PCDHA3: variants seen among roughly 807,000 people sequenced by gnomAD.
PCDHA3 encodes the protein protocadherin alpha-3.
Under a neutral mutation model 62.2 loss-of-function variants are expected in PCDHA3, and 41 were observed. That is an observed-to-expected ratio of 0.66 (90% CI 0.51 to 0.86). The LOEUF is 0.86. PCDHA3 is among the 40% of genes least tolerant of loss of function. The pLI is 0.00. For missense variants in PCDHA3, 1,304 were observed against 1,241.2 expected, an observed-to-expected ratio of 1.05 and a Z score of -0.76; for synonymous variants, 640 against 555.4, an observed-to-expected ratio of 1.15 and a Z score of -2.14.
chr5:140,829,866 C>T (rs180987045), intron 1 of PCDHA3: 8 of 1,613,772 alleles, frequency 5.0e-6, no homozygotes, highest in African/African-American at 2.7e-5. Flanking sequence ...CAAGTGGTGG[C>T]GAAGGTGCGC....
At chr5:140,972,170 C>G (rs1001419960) in intron 1 of PCDHA3, among the ~76,000 whole-genome samples, 2 of 152,034 alleles carry the variant, frequency 1.3e-5, no homozygotes, top group African/African-American at 4.8e-5. Flanking sequence ...GAGACAGAGT[C>G]TTGGCCTGTC....
chr5:140,874,556 C>CAAAA (rs2054997993), intron 1 of PCDHA3, among the ~76,000 whole-genome samples: 1 of 152,178 alleles, frequency 6.6e-6, no homozygotes, highest in African/African-American at 2.4e-5. Flanking sequence ...AGAGATCTTT[C>CAAAA]GCATTTTAGT....
intron 1 of PCDHA3, chr5:140,868,023 T>C (rs2050243779): frequency 6.6e-6 from 1 of 152,096 alleles, no homozygotes; most frequent in Non-Finnish European, 1.5e-5. Flanking sequence ...AGGAAACCAA[T>C]GTTGGTGACT....
chr5:140,952,496 G>A (rs2094755026), intron 1 of PCDHA3, among the ~76,000 whole-genome samples: 1 of 152,112 alleles, frequency 6.6e-6, no homozygotes, highest in Non-Finnish European at 1.5e-5. Flanking sequence ...CCAGTCCTCA[G>A]TAAGTTCCTC....
At position 140,836,922 on chromosome 5, in the gene PCDHA3, A is replaced by T; in HGVS notation, c.2394+33331A>T. On this transcript the variant is annotated intron_variant, in intron 1 of 3. Coordinates refer to ENST00000522353, the MANE Select transcript of PCDHA3 (RefSeq NM_018906.3). ...GTTTAATATACACTTTTGTTTTGGGATGCGTAATACTATAGATCAAAATCT... is the reference window on the plus strand; with the variant it reads ...GTTTAATATACACTTTTGTTTTGGGTTGCGTAATACTATAGATCAAAATCT... The T allele has an allele frequency of 5.6e-6, 3 of 537,660 alleles. No homozygotes were observed. In the South Asian group the frequency reaches 9.2e-5, roughly 16 times the overall value. 33.3% of individuals were successfully genotyped at this position (537,660 alleles called of 1,614,324 possible). A position where few individuals can be genotyped will look rare whatever the true frequency, so the allele number is the denominator to read the frequency against.
intron 1 of PCDHA3, chr5:140,807,173 T>C (rs782419612): frequency 7.5e-6 from 12 of 1,609,318 alleles, no homozygotes; most frequent in Non-Finnish European, 1.0e-5. Context: ...CAGAACAAAA[T>C]ACTGTGCACT....
chr5:140,959,118 C>T (rs781848896), intron 1 of PCDHA3, among the ~76,000 whole-genome samples: 8 of 151,838 alleles, frequency 5.3e-5, no homozygotes, highest in Non-Finnish European at 1.0e-4. Context: ...CGAAGGTGGG[C>T]GAGGTGAGCC....
chr5:141,006,224 T>A (rs1265190589), intron 3 of PCDHA3, among the ~76,000 whole-genome samples: 1 of 152,072 alleles, frequency 6.6e-6, no homozygotes, highest in African/African-American at 2.4e-5. Flanking sequence ...TTAAATTTTT[T>A]ATTTTTAGAT....
At chr5:140,876,539 C>T (rs1030865953) in intron 1 of PCDHA3, 5 of 1,614,170 alleles carry the variant, frequency 3.1e-6, no homozygotes, top group Admixed American at 1.7e-5. Flanking sequence ...ACTTCACTGT[C>T]GCTCCCTGTG....
chr5:140,947,038 A>G (rs2094072618), intron 1 of PCDHA3, among the ~76,000 whole-genome samples: 1 of 151,776 alleles, frequency 6.6e-6, no homozygotes, highest in Admixed American at 6.6e-5. Context: ...TATACTAATT[A>G]CCCTGATTTG....
At chr5:140,885,685 A>G (rs2060694021) in intron 1 of PCDHA3, among the ~76,000 whole-genome samples, 1 of 152,198 alleles carries the variant, frequency 6.6e-6, no homozygotes, top group African/African-American at 2.4e-5. Flanking sequence ...TATCTCAAGA[A>G]GCAATAGTGG....
At chr5:140,874,881 C>T (rs1316593398) in intron 1 of PCDHA3, among the ~76,000 whole-genome samples, 3 of 152,102 alleles carry the variant, frequency 2.0e-5, no homozygotes, top group Non-Finnish European at 2.9e-5. Context: ...AATACAAATT[C>T]CTAACTTTCT....
At chr5:140,835,589 G>T (rs2150238885) in intron 1 of PCDHA3, 2 of 1,613,920 alleles carry the variant, frequency 1.2e-6, no homozygotes, top group South Asian at 1.1e-5. Flanking sequence ...CCACCTTCAA[G>T]AATTACTATT....
intron 1 of PCDHA3, chr5:140,866,298 G>A (rs2049270991): frequency 6.6e-6 from 1 of 152,134 alleles, no homozygotes; most frequent in African/African-American, 2.4e-5. Flanking sequence ...AAGTATAGAT[G>A]TTGATATTAT....
chr5:140,906,965 G>T (rs1273243518), intron 1 of PCDHA3, among the ~76,000 whole-genome samples: 1 of 152,124 alleles, frequency 6.6e-6, no homozygotes, highest in Non-Finnish European at 1.5e-5. Flanking sequence ...ATGGAATCGT[G>T]GTTGTGTCTT....
intron 1 of PCDHA3, chr5:140,882,471 C>A: frequency 6.2e-7 from 1 of 1,614,024 alleles, no homozygotes; most frequent in African/African-American, 1.3e-5. Flanking sequence ...CGGGTGGCGT[C>A]CAAAAGACAC....
chr5:140,922,049 T>G (rs1368623726), intron 1 of PCDHA3, among the ~76,000 whole-genome samples: 1 of 152,066 alleles, frequency 6.6e-6, no homozygotes, highest in African/African-American at 2.4e-5. Context: ...CCCACATACC[T>G]TCAAAATGTA....
chr5:140,996,659 T>C (rs2097736809), intron 3 of PCDHA3, among the ~76,000 whole-genome samples: 1 of 152,230 alleles, frequency 6.6e-6, no homozygotes, highest in Non-Finnish European at 1.5e-5. Context: ...GGGTGCAGGC[T>C]AGTTTTTGAA....
At chr5:140,912,882 T>A (rs2153523481) in intron 1 of PCDHA3, among the ~76,000 whole-genome samples, 1 of 152,362 alleles carries the variant, frequency 6.6e-6, no homozygotes, top group South Asian at 2.1e-4. Context: ...TTGGTCTTCA[T>A]TCTGTTGATA....
Sources: gnomAD v4.1 joint callset for allele counts (sites outside exome capture counted in the v4.1 genomes callset) on GRCh38, gnomAD v4.1.1 for gene constraint, MANE v1.5 for transcripts, NCBI Gene and HGNC (gene_info 2026-07-23, HGNC 2026-07-21) for gene names.